Variants in LYST observed in about 807,000 individuals in gnomAD.
LYST encodes the protein lysosomal trafficking regulator.
Under a neutral mutation model 413.6 loss-of-function variants are expected in LYST, and 192 were observed. The observed-to-expected ratio is 0.46, with a 90% CI of 0.41 to 0.52. LYST has a LOEUF of 0.52. Among genes scored for constraint, LYST ranks in the 20% least tolerant of loss-of-function variants. The pLI is 0.00. For missense variants in LYST, 3,815 were observed against 4,499.9 expected, an observed-to-expected ratio of 0.85 and a Z score of 4.35; for synonymous variants, 1,525 against 1,567.3, an observed-to-expected ratio of 0.97 and a Z score of 0.64.
At chr1:235,673,284 A>C (rs1322077528) in intron 50 of LYST, among the ~76,000 whole-genome samples, 1 of 151,924 alleles carries the variant, frequency 6.6e-6, no homozygotes, top group African/African-American at 2.4e-5. Flanking sequence ...TAACTAAGTC[A>C]AGCTCACCCC....
chr1:235,829,974 C>T lies in LYST; in HGVS notation c.192+252G>A, dbSNP rs2180758. On this transcript the variant is annotated intron_variant, in intron 3 of 52. Coordinates refer to ENST00000389793, the MANE Select transcript of LYST (RefSeq NM_000081.4). ...AACCATAGTTATCTCACTGATATTA[C>T]GATAAAAAGCATAGTATATATGAAA... The T allele has an allele frequency of 0.21, 73,853 of 348,618 alleles. 8,851 individuals carry two copies. Among genetic ancestry groups the T allele is most frequent in the Non-Finnish European group, 0.25 (46,972 of 190,682 alleles). 21.6% of individuals were successfully genotyped at this position (348,618 alleles called of 1,614,324 possible). A position where few individuals can be genotyped will look rare whatever the true frequency, so the allele number is the denominator to read the frequency against.
chr1:235,725,201 A>T (rs1305020820), intron 38 of LYST, among the ~76,000 whole-genome samples: 2 of 152,224 alleles, frequency 1.3e-5, no homozygotes, highest in African/African-American at 2.4e-5. Context: ...TGGGAGGCGG[A>T]GGCAGGCAGA....
chr1:235,691,984 C>T (rs1660695155), intron 47 of LYST, among the ~76,000 whole-genome samples: 1 of 150,524 alleles, frequency 6.6e-6, no homozygotes, highest in Admixed American at 6.6e-5. Flanking sequence ...AGGCGTGAGC[C>T]ACCATGCCCA....
In LYST at chr1:235,731,177, T is replaced by C; in HGVS notation, c.8802A>G (p.Arg2934=). Residue 2934 remains arginine, a splice_region_variant and synonymous_variant, in exon 35 of 53, where the codon AGA becomes AGG. Coordinates refer to ENST00000389793, the MANE Select transcript of LYST (RefSeq NM_000081.4). Reference sequence around the variant, plus strand: ...AGTAGATGGGGTCATACCATACTGCTCTGCAAGTAAAAAGATTAAAGGGTG... The same window carrying C: ...AGTAGATGGGGTCATACCATACTGCCCTGCAAGTAAAAAGATTAAAGGGTG... ...QELIQQLTHD[R]AVWYDPIYYP... 1 of 1,614,050 alleles carries C rather than the reference T, an allele frequency of 6.2e-7. No individual in the cohort carries two copies. The highest frequency in any genetic ancestry group is 1.7e-5 in the Admixed American group (1 of 60,022).
chr1:235,830,148 C>T lies in LYST; in HGVS notation c.192+78G>A, dbSNP rs757110076. 4.5e-6 allele frequency: 5 copies of T among 1,117,634 alleles called. No homozygotes were observed. The Admixed American group carries it at 7.3e-5, about 16-fold the overall frequency. The allele number at this position is 1,117,634 out of a possible 1,614,324, so 69.2% of individuals were successfully genotyped here. On this transcript the variant is annotated intron_variant, in intron 3 of 52. Coordinates refer to ENST00000389793, the MANE Select transcript of LYST (RefSeq NM_000081.4). ...CTTTATCTCAAGGAGGCTTCAGAAA[C>T]TATGTAATCCAAAACCATGTAGCTA...
chr1:235,742,115 T>C (rs1665455718), intron 30 of LYST, among the ~76,000 whole-genome samples: 1 of 151,214 alleles, frequency 6.6e-6, no homozygotes, highest in Admixed American at 6.6e-5. Context: ...GGGGAAGGGG[T>C]GGTAAAAGTT....
intron 30 of LYST, among the ~76,000 whole-genome samples, chr1:235,743,334 C>A (rs1403665547): frequency 2.6e-5 from 4 of 152,126 alleles, no homozygotes; most frequent in African/African-American, 9.7e-5. Flanking sequence ...TGACTGAGTT[C>A]TAAGTGAATC....
intron 1 of LYST, among the ~76,000 whole-genome samples, chr1:235,843,058 T>C (rs1197379709): frequency 1.3e-5 from 2 of 152,082 alleles, no homozygotes; most frequent in Non-Finnish European, 2.9e-5. Flanking sequence ...TTCTAGACAA[T>C]GCTACCAAGG....
intron 50 of LYST, among the ~76,000 whole-genome samples, chr1:235,669,535 A>C (rs769384986): frequency 6.6e-6 from 1 of 152,202 alleles, no homozygotes; most frequent in South Asian, 2.1e-4. Flanking sequence ...GGTTGCAAAA[A>C]GCAATCAGAT....
chr1:235,801,736 T>TATGGTAAGCTGTACTATAAAAA (rs1433710826), intron 8 of LYST, among the ~76,000 whole-genome samples: 4 of 152,204 alleles, frequency 2.6e-5, no homozygotes, highest in Non-Finnish European at 4.4e-5. Context: ...AAATCTGTAC[T>TATGGTAAGCTGTACTATAAAAA]ATGGTAAGCT....
rs760815034 is a variant in LYST at position 235,702,835 on chromosome 1, A to C, written c.10286T>G (p.Ile3429Ser). 2.2e-5 allele frequency: 35 copies of C among 1,614,108 alleles called. No homozygotes were observed. The Admixed American group carries it at 5.5e-4, about 25-fold the overall frequency. Residue 3429 changes from isoleucine (I) to serine (S), a missense_variant, in exon 45 of 53, where the codon ATT becomes AGT. Physicochemically the swap from Ile to Ser is moderately radical, Grantham distance 142. This residue lies in a region of LYST where 866 missense variants were observed against 1,156.0 expected (regional missense o/e 0.75). Coordinates refer to ENST00000389793, the MANE Select transcript of LYST (RefSeq NM_000081.4). ...CACAGCAGCTGGAAGCTCTCCTTCA[A>C]TATTGAGCTTGGCTCCAGGTCTGCT... ...HVSRPGAKLN[I>S]EGELPAAVGL...
Position 235,677,141 on chromosome 1 carries a change from G to A in LYST, c.10988C>T (p.Ala3663Val). The A allele has an allele frequency of 6.2e-7, 1 of 1,614,032 alleles. No homozygotes were observed. The highest frequency in any genetic ancestry group is 8.5e-7 in the Non-Finnish European group (1 of 1,179,906). The change falls in exon 50 of 53, where the codon GCT becomes GTT. Residue 3663 changes from alanine (A) to valine (V), a missense_variant. By Grantham distance (64) the Ala-to-Val change is moderately conservative. Around this residue, in one of 4 missense-constraint regions of LYST, gnomAD observed 866 missense variants for 1,156.0 expected, o/e 0.75. Coordinates refer to ENST00000389793, the MANE Select transcript of LYST (RefSeq NM_000081.4). The stretch of plus-strand genomic sequence containing the variant: ...ACCTGAGGTTTCACTGGCAGAGACA[G>A]CTGTGACAGGGCTTTTGTGTCCCGC... ...SLAGHKSPVT[A>V]VSASETSGDI...
In LYST at chr1:235,780,944, A is replaced by G. The variant is rs752586942; in HGVS notation, c.5135T>C (p.Ile1712Thr). The change falls in exon 16 of 53, where the codon ATT becomes ACT. Residue 1712 changes from isoleucine (I) to threonine (T), a missense_variant. Ile to Thr is a moderately conservative substitution (Grantham distance 89). Around this residue, in one of 4 missense-constraint regions of LYST, gnomAD observed 530 missense variants for 696.5 expected, o/e 0.76. Transcript: ENST00000389793. ...GKPVNDYSKY[I>T]NKEILRCEQI... ...TTCACATCGCAAAATTTCTTTATTA[A>G]TATATTTGGAGTAGTCATTGACTGG... 5.0e-6 allele frequency: 8 copies of G among 1,595,120 alleles called. No homozygotes were observed. Among genetic ancestry groups the G allele is most frequent in the Admixed American group, 3.4e-5 (2 of 59,502 alleles).
At chr1:235,850,919 T>G (rs1051010859) in intron 1 of LYST, among the ~76,000 whole-genome samples, 2 of 152,204 alleles carry the variant, frequency 1.3e-5, no homozygotes, top group Non-Finnish European at 2.9e-5. Context: ...ACTTCTGCAC[T>G]GCTGGTAGGA....
chr1:235,719,080 G>A (rs529960390), intron 40 of LYST, among the ~76,000 whole-genome samples: 1 of 152,158 alleles, frequency 6.6e-6, no homozygotes, highest in Non-Finnish European at 1.5e-5. Context: ...GTGCAGTGGT[G>A]CAATCTCGGC....
At chr1:235,848,245 A>G (rs1678106817) in intron 1 of LYST, among the ~76,000 whole-genome samples, 1 of 152,202 alleles carries the variant, frequency 6.6e-6, no homozygotes, top group African/African-American at 2.4e-5. Flanking sequence ...AAAACCATGC[A>G]AATACATGGA....
At chr1:235,790,172 T>C (rs912021260) in intron 12 of LYST, among the ~76,000 whole-genome samples, 1 of 152,228 alleles carries the variant, frequency 6.6e-6, no homozygotes, top group African/African-American at 2.4e-5. Context: ...TCACTATGTA[T>C]ATTTATTCAT....
chr1:235,762,859 C>T lies in LYST; in HGVS notation c.6122-8G>A. ...CCTGAAAGATCTTGCCATCTAGAATCCAAATTTTTTTTGAAACAGCAAAAT... is the reference window on the plus strand; with the variant it reads ...CCTGAAAGATCTTGCCATCTAGAATTCAAATTTTTTTTGAAACAGCAAAAT... On this transcript the variant is annotated splice_polypyrimidine_tract_variant and splice_region_variant and intron_variant, in intron 21 of 52. Transcript: ENST00000389793. 6.2e-7 allele frequency: 1 copy of T among 1,612,066 alleles called. No individual in the cohort carries two copies. The highest frequency in any genetic ancestry group is 8.5e-7 in the Non-Finnish European group (1 of 1,179,108).
chr1:235,846,802 G>A (rs934917934), intron 1 of LYST, among the ~76,000 whole-genome samples: 1 of 151,994 alleles, frequency 6.6e-6, no homozygotes, highest in African/African-American at 2.4e-5. Context: ...CAAGGTCTTC[G>A]AATTAACCCA....
Sources: allele counts gnomAD v4.1 joint callset (sites outside exome capture counted in the v4.1 genomes callset), GRCh38; gene constraint gnomAD v4.1.1; regional missense constraint gnomAD v4.1.1; transcripts MANE v1.5; gene names NCBI Gene and HGNC (gene_info 2026-07-23, HGNC 2026-07-21).